Variants in FRK observed in about 807,000 individuals in gnomAD.
The protein encoded by FRK is fyn related Src family tyrosine kinase, also known as tyrosine-protein kinase FRK.
Under a neutral mutation model 56.4 loss-of-function variants are expected in FRK, and 51 were observed. That is an observed-to-expected ratio of 0.90 (90% confidence interval 0.72 to 1.14). The LOEUF is 1.14. FRK is among the 50% of genes most tolerant of loss of function. The probability of loss-of-function intolerance (pLI) is 0.00; values close to 1 mark genes in which losing one functional copy is unlikely to be tolerated. For synonymous variants in FRK, 245 were observed against 217.9 expected, an observed-to-expected ratio of 1.12 and a Z score of -1.10; for missense variants, 570 against 601.4, an observed-to-expected ratio of 0.95 and a Z score of 0.55.
chr6:116,063,389 G>A (rs2093173), upstream of FRK, among the ~76,000 whole-genome samples: 115,688 of 152,066 alleles, frequency 0.76, 44,974 homozygotes, highest in Middle Eastern at 0.9. Flanking sequence ...AAGAAGCAGG[G>A]AATCTTGTCA....
At chr6:115,977,359 T>C (rs557778707) in intron 2 of FRK, among the ~76,000 whole-genome samples, 107 of 152,252 alleles carry the variant, frequency 7.0e-4, no homozygotes, top group African/African-American at 2.5e-3. Context: ...AAATATCCAC[T>C]AAGACCAAAG....
At chr6:116,070,320 G>T in the FRK span, among the ~76,000 whole-genome samples, 3 of 151,994 alleles carry the variant, frequency 2.0e-5, no homozygotes, top group Non-Finnish European at 2.9e-5. Flanking sequence ...GGCAGGGTTG[G>T]GGGGCTGCAT....
chr6:115,946,464 C>T (rs1772457379), intron 5 of FRK, among the ~76,000 whole-genome samples: 1 of 151,876 alleles, frequency 6.6e-6, no homozygotes, highest in South Asian at 2.1e-4. Flanking sequence ...CTCAATAAAT[C>T]CTATCTATTA....
At chr6:116,049,161 A>G (rs1450877652) in intron 1 of FRK, among the ~76,000 whole-genome samples, 1 of 152,148 alleles carries the variant, frequency 6.6e-6, no homozygotes, top group African/African-American at 2.4e-5. Context: ...ATTAGATAAA[A>G]CCCACTCTTT....
At chr6:115,944,456 C>T (rs1461769886) in intron 5 of FRK, 31 bp from the exon 6 acceptor site, 1 of 1,529,472 alleles carries the variant, frequency 6.5e-7, no homozygotes, top group Admixed American at 2.0e-5. Context: ...AAGAAAGTTA[C>T]CTTAGAGAAC....
intron 1 of FRK, among the ~76,000 whole-genome samples, chr6:116,035,785 T>C (rs1198478027): frequency 6.6e-6 from 1 of 152,116 alleles, no homozygotes; most frequent in African/African-American, 2.4e-5. Context: ...TAACAAGTAC[T>C]CAGTTGTTGC....
intron 2 of FRK, among the ~76,000 whole-genome samples, chr6:115,998,248 G>A (rs1020680269): frequency 1.3e-5 from 2 of 152,136 alleles, no homozygotes; most frequent in East Asian, 1.9e-4. Flanking sequence ...ATATCCCCCC[G>A]GACTATTGCC....
chr6:116,035,349 A>G (rs762678384), intron 1 of FRK, among the ~76,000 whole-genome samples: 4 of 152,100 alleles, frequency 2.6e-5, no homozygotes, highest in Non-Finnish European at 5.9e-5. Flanking sequence ...GTTCTAAGAA[A>G]TCAGTACACA....
At chr6:115,962,275 A>T (rs1157655156) in intron 4 of FRK, among the ~76,000 whole-genome samples, 1 of 148,554 alleles carries the variant, frequency 6.7e-6, no homozygotes, top group Non-Finnish European at 1.5e-5. Context: ...ACTTTAAACC[A>T]ACAAAGATCA....
At chr6:116,017,649 AG>A (rs1157355821) in intron 1 of FRK, among the ~76,000 whole-genome samples, 1 of 152,186 alleles carries the variant, frequency 6.6e-6, no homozygotes, top group Non-Finnish European at 1.5e-5. Flanking sequence ...AGACTGTCCC[AG>A]GAAGTGTGTA....
chr6:116,079,120 C>A, the FRK span, among the ~76,000 whole-genome samples: 1 of 152,068 alleles, frequency 6.6e-6, no homozygotes, highest in Non-Finnish European at 1.5e-5. Context: ...GTGCACATTT[C>A]TCTCTCTAGC....
At chr6:116,062,543 G>C (rs1184047752), upstream of FRK, among the ~76,000 whole-genome samples, 1 of 152,132 alleles carries the variant, frequency 6.6e-6, no homozygotes, top group Non-Finnish European at 1.5e-5. Flanking sequence ...TGTAAGTGGG[G>C]TTTTAGATTT....
At chr6:116,066,385 T>C in the FRK span, among the ~76,000 whole-genome samples, 1 of 152,096 alleles carries the variant, frequency 6.6e-6, no homozygotes, top group African/African-American at 2.4e-5. Flanking sequence ...TGTGGGAACT[T>C]GTGATCATGT....
At chr6:116,040,145 T>C (rs1023249506) in intron 1 of FRK, among the ~76,000 whole-genome samples, 3 of 152,176 alleles carry the variant, frequency 2.0e-5, no homozygotes, top group Non-Finnish European at 4.4e-5. Flanking sequence ...AAATCTGTTT[T>C]AATGTCTTTC....
chr6:116,002,877 G>A (rs1179607773), intron 2 of FRK, among the ~76,000 whole-genome samples: 2 of 152,118 alleles, frequency 1.3e-5, no homozygotes, highest in African/African-American at 4.8e-5. Flanking sequence ...TGTGGAGAAG[G>A]ATAATGTGTA....
chr6:115,937,465 A>C lies in FRK; in HGVS notation c.*4949T>G, dbSNP rs1167142421. The C allele has an allele frequency of 2.0e-5, 3 of 152,236 alleles. No individual in the cohort carries two copies. The highest frequency in any genetic ancestry group is 4.4e-5 in the Non-Finnish European group (3 of 68,040). 9.4% of individuals were successfully genotyped at this position (152,236 alleles called of 1,614,324 possible). A position where few individuals can be genotyped will look rare whatever the true frequency, so the allele number is the denominator to read the frequency against. On this transcript the variant is annotated 3_prime_UTR_variant, in exon 8 of 8. Transcript: ENST00000606080. Reference sequence around the variant, plus strand: ...AGCATCATATGACAGAATCAAATTCACACATAACAATACTAACCTTAAATG... The same window carrying C: ...AGCATCATATGACAGAATCAAATTCCCACATAACAATACTAACCTTAAATG...
intron 1 of FRK, among the ~76,000 whole-genome samples, chr6:116,011,970 G>C (rs1411406021): frequency 6.6e-6 from 1 of 152,016 alleles, no homozygotes; most frequent in Non-Finnish European, 1.5e-5. Flanking sequence ...CACATGGAAT[G>C]ATAAGGACAA....
the FRK span, among the ~76,000 whole-genome samples, chr6:116,088,516 T>C: frequency 2.0e-5 from 3 of 152,254 alleles, no homozygotes; most frequent in Non-Finnish European, 2.9e-5. Context: ...AAATAACATT[T>C]ATATTTTGTT....
At chr6:115,950,903 G>A (rs552745935) in intron 5 of FRK, among the ~76,000 whole-genome samples, 1 of 152,334 alleles carries the variant, frequency 6.6e-6, no homozygotes, top group Non-Finnish European at 1.5e-5. Context: ...ATCATTCTCA[G>A]CAAACTAACA....
Sources: gnomAD v4.1 joint callset for allele counts (sites outside exome capture counted in the v4.1 genomes callset) on GRCh38, gnomAD v4.1.1 for gene constraint, MANE v1.5 for transcripts, NCBI Gene and HGNC (gene_info 2026-07-23, HGNC 2026-07-21) for gene names.